ARID2: variants seen among roughly 807,000 people sequenced by gnomAD.
The protein encoded by ARID2 is AT-rich interactive domain-containing protein 2.
A neutral mutation model predicts 184.6 loss-of-function variants in ARID2; 32 were observed. That is an observed-to-expected ratio of 0.17 (90% CI 0.13 to 0.23). The LOEUF (loss-of-function observed/expected upper bound fraction) is 0.23, where lower values mean the gene tolerates loss of function less well. ARID2 is among the 10% of genes least tolerant of loss of function. The pLI, the probability that ARID2 is intolerant of heterozygous loss-of-function variation, is 1.00. For missense variants in ARID2, 1,696 were observed against 2,197.6 expected (o/e 0.77, Z 4.56); for synonymous variants, 836 against 772.6 (o/e 1.08, Z -1.36).
chr12:45,779,888 G>A (rs143305959), intron 3 of ARID2, among the ~76,000 whole-genome samples: 40 of 152,172 alleles, frequency 2.6e-4, no homozygotes, highest in Admixed American at 9.2e-4. Context: ...ATGTAAGAGC[G>A]CTGCTTTGAA....
intron 20 of ARID2, among the ~76,000 whole-genome samples, chr12:45,898,447 T>C (rs1216472730): frequency 6.6e-6 from 1 of 152,222 alleles, no homozygotes; most frequent in East Asian, 1.9e-4. Context: ...ATGTTATGTA[T>C]GTTTTACCAC....
intron 15 of ARID2, among the ~76,000 whole-genome samples, chr12:45,858,967 G>A (rs980700588): frequency 1.3e-5 from 2 of 152,154 alleles, no homozygotes; most frequent in Non-Finnish European, 2.9e-5. Context: ...TCCCATTTCT[G>A]ACAACTTTGT....
chr12:45,904,175 G>C (rs1242424571), intron 20 of ARID2, among the ~76,000 whole-genome samples: 1 of 152,064 alleles, frequency 6.6e-6, no homozygotes, highest in Non-Finnish European at 1.5e-5. Flanking sequence ...TATGGCTAAT[G>C]GGGCATTTAG....
chr12:45,743,410 G>C (rs532259106), intron 3 of ARID2, among the ~76,000 whole-genome samples: 3 of 152,150 alleles, frequency 2.0e-5, no homozygotes, highest in South Asian at 4.2e-4. Flanking sequence ...GCCCAGGCTT[G>C]AGTGCAGTGG....
intron 5 of ARID2, among the ~76,000 whole-genome samples, chr12:45,818,532 T>C (rs1272521434): frequency 9.2e-5 from 14 of 152,246 alleles, no homozygotes; most frequent in Admixed American, 7.9e-4. Context: ...GTTATTGGTA[T>C]AAAGTTATTT....
At chr12:45,853,073 C>G (rs1255523493) in intron 15 of ARID2, among the ~76,000 whole-genome samples, 177 bp downstream of exon 15, 1 of 152,158 alleles carries the variant, frequency 6.6e-6, no homozygotes, top group Non-Finnish European at 1.5e-5. Flanking sequence ...TCAATTTTAG[C>G]ACATGATTTA....
chr12:45,807,657 T>A lies in ARID2; in HGVS notation c.285-3761T>A, dbSNP rs556493663. ...TGATTTCTTCTAAGAAAAAAATTTCTTGAATTGCATTGTGGTTAGAAAATG... is the reference window on the plus strand; with the variant it reads ...TGATTTCTTCTAAGAAAAAAATTTCATGAATTGCATTGTGGTTAGAAAATG... On this transcript the variant is annotated intron_variant, in intron 3 of 20. Coordinates refer to ENST00000334344, the MANE Select transcript of ARID2 (RefSeq NM_152641.4). Among the ~76,000 whole-genome samples the A allele has an allele frequency of 4.6e-5, 7 of 152,324 alleles. No individual in the cohort carries two copies. The East Asian group carries it at 9.6e-4, about 21-fold the overall frequency.
intron 3 of ARID2, among the ~76,000 whole-genome samples, chr12:45,797,911 A>G (rs1565600014): frequency 6.6e-6 from 1 of 151,968 alleles, no homozygotes; most frequent in East Asian, 1.9e-4. Context: ...TTGAAAAGTC[A>G]TCAAGCACAT....
At chr12:45,830,700 C>G (rs1022239737) in intron 6 of ARID2, among the ~76,000 whole-genome samples, 2 of 151,758 alleles carry the variant, frequency 1.3e-5, no homozygotes, top group African/African-American at 4.8e-5. Flanking sequence ...AAATAAATAC[C>G]CAGTCACAAT....
At chr12:45,784,914 G>C (rs1263229212) in intron 3 of ARID2, among the ~76,000 whole-genome samples, 1 of 152,032 alleles carries the variant, frequency 6.6e-6, no homozygotes, top group Non-Finnish European at 1.5e-5. Flanking sequence ...CTTTTTTCAG[G>C]TGGAGAAATT....
chr12:45,791,020 G>T (rs922812188), intron 3 of ARID2, among the ~76,000 whole-genome samples: 1 of 152,084 alleles, frequency 6.6e-6, no homozygotes, highest in African/African-American at 2.4e-5. Context: ...AATCTTTTGA[G>T]TCCTTGCTTT....
intron 16 of ARID2, chr12:45,881,819 C>CT (rs1944109097): frequency 2.7e-5 from 6 of 222,990 alleles, no homozygotes; most frequent in South Asian, 1.5e-4. Context: ...TCCTGTGCCC[C>CT]TTTTTTTCCC....
chr12:45,751,998 A>C (rs181722033), intron 3 of ARID2, among the ~76,000 whole-genome samples: 2 of 152,340 alleles, frequency 1.3e-5, no homozygotes, highest in Non-Finnish European at 2.9e-5. Context: ...ATATTTCTAA[A>C]GTTTCAAATA....
intron 15 of ARID2, among the ~76,000 whole-genome samples, chr12:45,857,403 C>CT (rs1258984408): frequency 6.6e-6 from 1 of 152,096 alleles, no homozygotes; most frequent in Non-Finnish European, 1.5e-5. Context: ...TTTTGTTTTT[C>CT]TAAGAGTACT....
chr12:45,841,868 T>C (rs1051907977), intron 11 of ARID2: 19 of 152,178 alleles, frequency 1.2e-4, no homozygotes, highest in African/African-American at 4.6e-4. Context: ...TTTGAGATTC[T>C]TTTTTATTCA....
intron 3 of ARID2, among the ~76,000 whole-genome samples, chr12:45,792,722 T>G (rs1468233083): frequency 6.6e-6 from 1 of 152,144 alleles, no homozygotes; most frequent in Non-Finnish European, 1.5e-5. Context: ...AGGTCAAAGG[T>G]GAAATGATAT....
At chr12:45,816,646 A>G (rs1942808689) in intron 4 of ARID2, among the ~76,000 whole-genome samples, 1 of 152,206 alleles carries the variant, frequency 6.6e-6, no homozygotes, top group African/African-American at 2.4e-5. Flanking sequence ...ATTTATTAGT[A>G]CTCACCAATA....
intron 3 of ARID2, among the ~76,000 whole-genome samples, chr12:45,799,574 G>T (rs1433183781): frequency 2.0e-5 from 3 of 152,086 alleles, no homozygotes; most frequent in Non-Finnish European, 4.4e-5. Context: ...CAACTATAAA[G>T]GAAGAAGTAA....
At chr12:45,778,771 T>G (rs1010334515) in intron 3 of ARID2, among the ~76,000 whole-genome samples, 3 of 152,026 alleles carry the variant, frequency 2.0e-5, no homozygotes, top group African/African-American at 7.2e-5. Context: ...AATTAAAATC[T>G]TTGGAAAATA....
Sources: gnomAD v4.1 joint callset for allele counts (sites outside exome capture counted in the v4.1 genomes callset) on GRCh38, gnomAD v4.1.1 for gene constraint, MANE v1.5 for transcripts, NCBI Gene and HGNC (gene_info 2026-07-23, HGNC 2026-07-21) for gene names.